Variants in PBX3 observed in about 807,000 individuals in gnomAD.
PBX3 encodes PBX homeobox 3, also known as pre-B-cell leukemia transcription factor 3.
In PBX3, 14 loss-of-function variants were observed where a neutral mutation model predicts 48.5. The ratio of observed to expected loss-of-function variants is 0.29; its 90% confidence interval spans 0.19 to 0.45. The LOEUF is 0.45. Among genes scored for constraint, PBX3 ranks in the 20% least tolerant of loss-of-function variants. The probability of loss-of-function intolerance (pLI) is 1.00; values close to 1 mark genes in which losing one functional copy is unlikely to be tolerated. For missense variants in PBX3, 386 were observed against 546.7 expected (o/e 0.71, Z 2.93); for synonymous variants, 210 against 200.3 (o/e 1.05, Z -0.41).
intron 8 of PBX3, 90 bp downstream of exon 8, chr9:125,963,191 C>G: frequency 1.6e-6 from 1 of 639,486 alleles, no homozygotes; most frequent in East Asian, 3.0e-5. Context: ...CCTGGCTTCT[C>G]ATCTTCTTGG....
At chr9:125,890,632 G>C (rs995347778) in intron 2 of PBX3, among the ~76,000 whole-genome samples, 1 of 152,196 alleles carries the variant, frequency 6.6e-6, no homozygotes, top group African/African-American at 2.4e-5. Flanking sequence ...ATGGTGGGGA[G>C]GATAAATGTG....
At chr9:125,934,749 A>G (rs569646816) in intron 4 of PBX3, among the ~76,000 whole-genome samples, 1 of 151,706 alleles carries the variant, frequency 6.6e-6, no homozygotes, top group South Asian at 2.1e-4. Context: ...CACTCCTCCC[A>G]TTCAATACAT....
intron 2 of PBX3, among the ~76,000 whole-genome samples, chr9:125,867,689 A>G (rs1840017469): frequency 6.6e-6 from 1 of 150,924 alleles, no homozygotes. Flanking sequence ...AATTTAGTAG[A>G]TTATAATATT....
chr9:125,966,085 A>T lies in PBX3; in HGVS notation c.*162A>T. On this transcript the variant is annotated 3_prime_UTR_variant, in exon 9 of 9. Coordinates refer to ENST00000373489, the MANE Select transcript of PBX3 (RefSeq NM_006195.6). ...ATCTGTTTTTTAAGGAATCATAATC[A>T]TTTGTATTTATACTTAAAAACACAC... 2 of 502,938 alleles carry T rather than the reference A, an allele frequency of 4.0e-6. No individual in the cohort carries two copies. The highest frequency in any genetic ancestry group is 7.1e-6 in the Non-Finnish European group (2 of 281,680). The allele number at this position is 502,938 out of a possible 1,614,324, so 31.2% of individuals were successfully genotyped here. A position where few individuals can be genotyped will look rare whatever the true frequency, so the allele number is the denominator to read the frequency against.
intron 5 of PBX3, among the ~76,000 whole-genome samples, chr9:125,941,511 G>A (rs1841958630): frequency 6.6e-6 from 1 of 152,210 alleles, no homozygotes; most frequent in East Asian, 1.9e-4. Flanking sequence ...ACTTAATTGA[G>A]TATTTGTGAT....
At chr9:125,833,871 G>A (rs796868672) in intron 2 of PBX3, among the ~76,000 whole-genome samples, 4 of 152,282 alleles carry the variant, frequency 2.6e-5, no homozygotes, top group African/African-American at 9.6e-5. Context: ...CTTGGAATGG[G>A]ATTGCTAGGT....
chr9:125,912,580 GTCTAAATCTTA>G (rs1841228841), intron 2 of PBX3, among the ~76,000 whole-genome samples: 1 of 152,110 alleles, frequency 6.6e-6, no homozygotes, highest in African/African-American at 2.4e-5. Context: ...TGTATGATTT[GTCTAAATCTTA>G]GGGATACGGA....
chr9:125,754,570 C>A (rs1398133840), intron 2 of PBX3, among the ~76,000 whole-genome samples: 1 of 144,774 alleles, frequency 6.9e-6, no homozygotes, highest in Non-Finnish European at 1.5e-5. Flanking sequence ...AAATAAACCA[C>A]CTTTTTATGC....
intron 2 of PBX3, among the ~76,000 whole-genome samples, chr9:125,884,726 G>A (rs1840458798): frequency 6.6e-6 from 1 of 152,148 alleles, no homozygotes; most frequent in South Asian, 2.1e-4. Context: ...TAAAAAGAGT[G>A]TTTTATAAAC....
chr9:125,844,822 A>G (rs969248259), intron 2 of PBX3: 1 of 152,090 alleles, frequency 6.6e-6, no homozygotes, highest in African/African-American at 2.4e-5. Flanking sequence ...AACCTTGATC[A>G]AAGGCTGAAC....
chr9:125,827,123 C>T (rs970546350), intron 2 of PBX3, among the ~76,000 whole-genome samples: 7 of 152,020 alleles, frequency 4.6e-5, no homozygotes, highest in Non-Finnish European at 5.9e-5. Context: ...TAAATGAGAA[C>T]GTGAAATTGG....
chr9:125,948,772 C>T (rs188844060), intron 5 of PBX3, among the ~76,000 whole-genome samples: 103 of 151,638 alleles, frequency 6.8e-4, no homozygotes, highest in Admixed American at 2.5e-3. Context: ...AGAATTTAAT[C>T]TACAAACACA....
At chr9:125,934,227 A>G (rs1307217967) in intron 4 of PBX3, among the ~76,000 whole-genome samples, 1 of 152,122 alleles carries the variant, frequency 6.6e-6, no homozygotes, top group Non-Finnish European at 1.5e-5. Flanking sequence ...ACTCTCCCTT[A>G]ATGTTGAAAT....
At chr9:125,797,704 T>G (rs919252386) in intron 2 of PBX3, among the ~76,000 whole-genome samples, 5 of 152,152 alleles carry the variant, frequency 3.3e-5, no homozygotes, top group African/African-American at 1.2e-4. Flanking sequence ...TAATGATTTA[T>G]TTTGCAAAAA....
At chr9:125,891,981 G>A (rs193157977) in intron 2 of PBX3, among the ~76,000 whole-genome samples, 6 of 152,164 alleles carry the variant, frequency 3.9e-5, no homozygotes, top group Admixed American at 3.3e-4. Flanking sequence ...ATGCATTGGC[G>A]TGATCTCGGC....
chr9:125,826,637 A>C (rs1213075392), intron 2 of PBX3, among the ~76,000 whole-genome samples: 1 of 152,176 alleles, frequency 6.6e-6, no homozygotes, highest in African/African-American at 2.4e-5. Context: ...TGAAAAATAT[A>C]ATAAAGGTAA....
At chr9:125,840,836 T>C (rs1839269739) in intron 2 of PBX3, among the ~76,000 whole-genome samples, 1 of 152,122 alleles carries the variant, frequency 6.6e-6, no homozygotes, top group Non-Finnish European at 1.5e-5. Flanking sequence ...AAAAGGGCAT[T>C]GTAAAGAGAG....
chr9:125,954,631 G>A (rs1842263585), intron 5 of PBX3, among the ~76,000 whole-genome samples: 1 of 152,148 alleles, frequency 6.6e-6, no homozygotes, highest in Admixed American at 6.5e-5. Context: ...TGCCTCCCGG[G>A]TTCAAGCGAT....
intron 2 of PBX3, among the ~76,000 whole-genome samples, chr9:125,867,738 GTCTC>G (rs201632270): frequency 3.4e-5 from 5 of 146,584 alleles, no homozygotes; most frequent in African/African-American, 7.7e-5. Context: ...TTGTCTTTCT[GTCTC>G]TCTCTCTCTC....
Sources: allele counts gnomAD v4.1 joint callset (sites outside exome capture counted in the v4.1 genomes callset), GRCh38; gene constraint gnomAD v4.1.1; transcripts MANE v1.5; gene names NCBI Gene and HGNC (gene_info 2026-07-23, HGNC 2026-07-21).